The following UTP4 variants were observed in gnomAD, a reference collection of about 807,000 sequenced individuals.
The protein encoded by UTP4 is UTP4 small subunit processome component.
In UTP4, 45 loss-of-function variants were observed where a neutral mutation model predicts 82.4. The observed-to-expected ratio is 0.55, with a 90% CI of 0.43 to 0.70. UTP4 has a LOEUF of 0.70. Ranked by LOEUF, UTP4 falls within the 30% of genes least tolerant of loss-of-function variation. The pLI is 0.00. For synonymous variants in UTP4, 348 were observed against 300.3 expected, an observed-to-expected ratio of 1.16 and a Z score of -1.64; for missense variants, 819 against 858.3, an observed-to-expected ratio of 0.95 and a Z score of 0.57.
chr16:69,138,232 TTTC>T (rs1441723400), intron 4 of UTP4, among the ~76,000 whole-genome samples: 2 of 138,278 alleles, frequency 1.4e-5, no homozygotes, highest in African/African-American at 2.8e-5. Context: ...GGTTCTTTTC[TTTC>T]TTTTTTTTTT....
intron 2 of UTP4, among the ~76,000 whole-genome samples, chr16:69,133,879 T>C (rs1439841908): frequency 6.6e-6 from 1 of 152,216 alleles, no homozygotes; most frequent in Non-Finnish European, 1.5e-5. Flanking sequence ...CTGGATCTTT[T>C]GGACACAGGA....
rs892137166 is a variant in UTP4 at position 69,137,135 on chromosome 16, G to A, written c.351+248G>A. Among the ~76,000 whole-genome samples, 3 of 152,310 alleles carry A rather than the reference G, an allele frequency of 2.0e-5. No individual in the cohort carries two copies. The East Asian group carries it at 5.8e-4, about 29-fold the overall frequency. ...AACATTTCCCAAACTGTGTTCTGTGGAATTTGGAGATGTAGAGGTTTTTTT... is the reference window on the plus strand; with the variant it reads ...AACATTTCCCAAACTGTGTTCTGTGAAATTTGGAGATGTAGAGGTTTTTTT... On this transcript the variant is annotated intron_variant, in intron 3 of 16. Transcript: ENST00000314423.
intron 12 of UTP4, 123 bp downstream of exon 12, chr16:69,157,363 C>T (rs1053398643): frequency 2.1e-6 from 2 of 960,690 alleles, no homozygotes; most frequent in Admixed American, 2.0e-5. Flanking sequence ...CACTCACTCA[C>T]ATGTTTGCTG....
In UTP4 at chr16:69,136,805, C is replaced by T. The variant is rs755772687; in HGVS notation, c.269C>T (p.Ala90Val). The T allele has an allele frequency of 9.3e-6, 15 of 1,613,886 alleles. No individual in the cohort carries two copies. The highest frequency in any genetic ancestry group is 2.7e-5 in the African/African-American group (2 of 74,898). The change falls in exon 3 of 17, where the codon GCG (alanine) becomes GTG (valine). Residue 90 changes from alanine to valine, a missense_variant. Ala to Val is a moderately conservative substitution (Grantham distance 64). Transcript: ENST00000314423. ...GAGATTATGGAGTATGATTTACAGG[C>T]GTTAAACATCAAGTATGCTATGGAT... Reference protein sequence around the residue: ...NGEIMEYDLQALNIKYAMDAF... With the variant: ...NGEIMEYDLQVLNIKYAMDAF...
intron 6 of UTP4, among the ~76,000 whole-genome samples, chr16:69,149,684 G>T (rs1963208905): frequency 6.6e-6 from 1 of 152,046 alleles, no homozygotes; most frequent in Non-Finnish European, 1.5e-5. Flanking sequence ...GTGCTGCTCT[G>T]CCCACCTTGT....
At chr16:69,143,608 A>G (rs1231313523) in intron 6 of UTP4, among the ~76,000 whole-genome samples, 1 of 152,208 alleles carries the variant, frequency 6.6e-6, no homozygotes, top group Non-Finnish European at 1.5e-5. Context: ...GTTAGCAGGG[A>G]GATTTTCTTT....
intron 1 of UTP4, among the ~76,000 whole-genome samples, chr16:69,133,203 G>C (rs1186106836): frequency 1.3e-5 from 2 of 152,088 alleles, no homozygotes; most frequent in Non-Finnish European, 2.9e-5. Flanking sequence ...GGCGCCCCGA[G>C]ATAGGAACTC....
chr16:69,139,495 C>T (rs1962899730), intron 4 of UTP4, among the ~76,000 whole-genome samples: 1 of 151,198 alleles, frequency 6.6e-6, no homozygotes, highest in Non-Finnish European at 1.5e-5. Context: ...AAAAATTAGC[C>T]AGACATGGTG....
intron 6 of UTP4, among the ~76,000 whole-genome samples, chr16:69,147,750 C>T (rs1421998372): frequency 6.6e-6 from 1 of 151,988 alleles, no homozygotes; most frequent in Admixed American, 6.6e-5. Context: ...TAGTTTTGTA[C>T]AATATTTTAT....
intron 3 of UTP4, 53 bp downstream of exon 3, chr16:69,136,940 A>C: frequency 1.4e-6 from 2 of 1,469,898 alleles, no homozygotes; most frequent in Non-Finnish European, 1.9e-6. Context: ...GTGCCTGCTC[A>C]GACTTTCTTC....
intron 1 of UTP4, 52 bp from the exon 2 acceptor site, chr16:69,133,406 T>C (rs1962705084): frequency 1.3e-6 from 2 of 1,554,570 alleles, no homozygotes; most frequent in Non-Finnish European, 1.8e-6. Context: ...ATACTATATG[T>C]GACATACTGC....
At chr16:69,133,724 C>G (rs146897524) in intron 2 of UTP4, 106 bp downstream of exon 2, 1 of 1,208,680 alleles carries the variant, frequency 8.3e-7, no homozygotes, top group Non-Finnish European at 1.2e-6. Flanking sequence ...ACTTCCTAGC[C>G]CCTCTGAAGT....
At chr16:69,144,988 A>T (rs929592215) in intron 6 of UTP4, among the ~76,000 whole-genome samples, 1 of 152,006 alleles carries the variant, frequency 6.6e-6, no homozygotes, top group African/African-American at 2.4e-5. Flanking sequence ...CTAAAAATGC[A>T]AAAATTAGCT....
chr16:69,134,763 C>T (rs1308864134), intron 2 of UTP4, among the ~76,000 whole-genome samples: 2 of 139,750 alleles, frequency 1.4e-5, no homozygotes, highest in Non-Finnish European at 1.5e-5. Context: ...AGTGCAGTGG[C>T]GTGATCTTGG....
intron 9 of UTP4, 134 bp downstream of exon 9, chr16:69,153,814 C>A: frequency 1.4e-6 from 1 of 713,206 alleles, no homozygotes; most frequent in Non-Finnish European, 2.5e-6. Flanking sequence ...GTTTTCCCAC[C>A]CATTAGATAA....
rs757414871 is a variant in UTP4, at chr16:69,157,166, A to G, written c.1370A>G (p.Asn457Ser). ...EDSTKLFVAS[N>S]QGALHIVQLS... The stretch of plus-strand genomic sequence containing the variant: ...TCAACAAAGCTCTTTGTAGCATCAA[A>G]TCAAGGAGCTCTGCATATTGTTCAG... The change falls in exon 12 of 17, where the codon AAT becomes AGT. Residue 457 changes from asparagine (N) to serine (S), a missense_variant. By Grantham distance (46) the Asn-to-Ser change is conservative. Coordinates refer to ENST00000314423, the MANE Select transcript of UTP4 (RefSeq NM_032830.3). 4.3e-6 allele frequency: 7 copies of G among 1,614,210 alleles called. No individual in the cohort carries two copies. In the South Asian group the frequency reaches 5.5e-5, roughly 13 times the overall value.
intron 12 of UTP4, among the ~76,000 whole-genome samples, chr16:69,159,113 T>G (rs1006105389): frequency 3.0e-4 from 46 of 152,104 alleles, no homozygotes; most frequent in Middle Eastern, 3.2e-3. Flanking sequence ...CAGAGTTTCT[T>G]GTGCCCAGGC....
At chr16:69,149,567 C>G (rs904922551) in intron 6 of UTP4, among the ~76,000 whole-genome samples, 2 of 151,718 alleles carry the variant, frequency 1.3e-5, no homozygotes, top group African/African-American at 4.8e-5. Flanking sequence ...TACAAACAAA[C>G]AAACAAAAAA....
chr16:69,154,005 G>A (rs1407670757), intron 9 of UTP4, among the ~76,000 whole-genome samples: 1 of 152,034 alleles, frequency 6.6e-6, no homozygotes, highest in African/African-American at 2.4e-5. Flanking sequence ...ATTTAATGAT[G>A]GGTAATGATA....
Sources: allele counts gnomAD v4.1 joint callset (sites outside exome capture counted in the v4.1 genomes callset), GRCh38; gene constraint gnomAD v4.1.1; transcripts MANE v1.5; gene names NCBI Gene and HGNC (gene_info 2026-07-23, HGNC 2026-07-21).